Variants in DNAH8 observed in about 807,000 individuals in gnomAD.
DNAH8 encodes the protein axonemal beta dynein heavy chain 8.
A neutral mutation model predicts 562.1 loss-of-function variants in DNAH8; 382 were observed. The observed-to-expected ratio is 0.68, with a 90% confidence interval of 0.63 to 0.74. The LOEUF (loss-of-function observed/expected upper bound fraction) is 0.74, where lower values mean the gene tolerates loss of function less well. Ranked by LOEUF, DNAH8 falls within the 30% of genes least tolerant of loss-of-function variation. The probability of loss-of-function intolerance (pLI) is 0.00; values close to 1 mark genes in which losing one functional copy is unlikely to be tolerated. For missense variants in DNAH8, 5,203 were observed against 5,620.4 expected, an observed-to-expected ratio of 0.93 and a Z score of 2.37; for synonymous variants, 1,881 against 1,919.4, an observed-to-expected ratio of 0.98 and a Z score of 0.52.
intron 39 of DNAH8, 137 bp downstream of exon 39, chr6:38,851,811 T>C: frequency 3.0e-6 from 2 of 672,506 alleles, no homozygotes; most frequent in Non-Finnish European, 5.2e-6. Flanking sequence ...AAATTTCATA[T>C]TTTCTGTGTA....
At chr6:38,810,362 C>T (rs1244492542) in intron 24 of DNAH8, among the ~76,000 whole-genome samples, 1 of 152,140 alleles carries the variant, frequency 6.6e-6, no homozygotes, top group Non-Finnish European at 1.5e-5. Flanking sequence ...GAGGCCGAGG[C>T]AGGCGAATCA....
chr6:38,936,196 T>G (rs1782952607), intron 77 of DNAH8: 1 of 152,138 alleles, frequency 6.6e-6, no homozygotes, highest in African/African-American at 2.4e-5. Context: ...TTTTTCAAAT[T>G]GACTCTTTCA....
intron 40 of DNAH8, 60 bp downstream of exon 40, chr6:38,852,858 G>T (rs1775870399): frequency 1.5e-6 from 2 of 1,311,206 alleles, no homozygotes; most frequent in African/African-American, 3.0e-5. Context: ...AGGTTGAGGA[G>T]AATACAGTTC....
At position 38,917,415 on chromosome 6, in the gene DNAH8, A is replaced by T. The variant is rs771220914; in HGVS notation, c.10308+9A>T. 4.3e-6 allele frequency: 7 copies of T among 1,611,040 alleles called. No homozygotes were observed. The highest frequency in any genetic ancestry group is 5.1e-6 in the Non-Finnish European group (6 of 1,178,178). ...GGGGAGAGTCATTAAAGGTAAGTAA[A>T]ATCTATCATTGTCAATCCTATGAGC... On this transcript the variant is annotated intron_variant, in intron 69 of 92. Coordinates refer to ENST00000327475, the MANE Select transcript of DNAH8 (RefSeq NM_001206927.2).
At chr6:38,816,867 T>G (rs1772330064) in intron 26 of DNAH8, among the ~76,000 whole-genome samples, 1 of 152,208 alleles carries the variant, frequency 6.6e-6, no homozygotes. Context: ...TATATGTTTT[T>G]TGGCCACATG....
At chr6:38,813,975 G>T in intron 24 of DNAH8, 79 bp from the exon 25 acceptor site, 3 of 1,013,966 alleles carry the variant, frequency 3.0e-6, no homozygotes, top group South Asian at 1.4e-5. Context: ...TTATTGTTCG[G>T]ACTGAATTTT....
At chr6:38,729,525 C>G (rs993290253) in intron 3 of DNAH8, among the ~76,000 whole-genome samples, 1 of 152,124 alleles carries the variant, frequency 6.6e-6, no homozygotes, top group Non-Finnish European at 1.5e-5. Context: ...AATAATTGGT[C>G]AACAACACAG....
intron 12 of DNAH8, among the ~76,000 whole-genome samples, chr6:38,771,638 C>T (rs1162700225): frequency 2.0e-5 from 3 of 152,264 alleles, no homozygotes; most frequent in South Asian, 4.1e-4. Flanking sequence ...TAAATGAAAT[C>T]ATACAATATG....
At chr6:38,817,433 C>T (rs1772387135) in intron 26 of DNAH8, among the ~76,000 whole-genome samples, 1 of 152,204 alleles carries the variant, frequency 6.6e-6, no homozygotes, top group Admixed American at 6.5e-5. Flanking sequence ...CTATGTTGCA[C>T]TAACATTGCT....
rs1767768457 is a variant in DNAH8 at position 38,773,470 on chromosome 6, C to G, written c.1765-2284C>G. ...TAATGACCAGCTGCATCAGCTGCACCCACTCTGGTCTCTGGAGAAGCCCTG... is the reference window on the plus strand; with the variant it reads ...TAATGACCAGCTGCATCAGCTGCACGCACTCTGGTCTCTGGAGAAGCCCTG... On this transcript the variant is annotated intron_variant, in intron 12 of 92. Coordinates refer to ENST00000327475, the MANE Select transcript of DNAH8 (RefSeq NM_001206927.2). Among the ~76,000 whole-genome samples the G allele has an allele frequency of 3.9e-5, 6 of 152,088 alleles. No individual in the cohort carries two copies. The South Asian group carries it at 1.2e-3, about 32-fold the overall frequency.
intron 79 of DNAH8, among the ~76,000 whole-genome samples, chr6:38,939,814 G>A (rs1336501721): frequency 2.0e-5 from 3 of 152,072 alleles, no homozygotes; most frequent in Non-Finnish European, 4.4e-5. Context: ...TTATTTTCTG[G>A]CTCCCCACAC....
At chr6:39,010,037 A>G (rs1037928804) in intron 89 of DNAH8, among the ~76,000 whole-genome samples, 3 of 152,182 alleles carry the variant, frequency 2.0e-5, no homozygotes, top group Non-Finnish European at 4.4e-5. Context: ...ACACCACAGG[A>G]CTGCTATTGC....
rs377254876 is a variant in DNAH8 at position 38,874,068 on chromosome 6, T to TTCTTTCTTTCTTTCTTTCTTTTTC, written c.7620+693_7620+694insCTTTCTTTCTTTCTTTCTTTTTCT. 3.1e-3 allele frequency among the ~76,000 whole-genome samples: 179 copies of TTCTTTCTTTCTTTCTTTCTTTTTC among 57,076 alleles called. 46 individuals are homozygous for TTCTTTCTTTCTTTCTTTCTTTTTC. Among genetic ancestry groups the TTCTTTCTTTCTTTCTTTCTTTTTC allele is most frequent in the African/African-American group, 0.011 (168 of 15,638 alleles). 37.4% of individuals were successfully genotyped at this position (57,076 alleles called of 152,430 possible). On this transcript the variant is annotated intron_variant, in intron 52 of 92. Transcript: ENST00000327475. ...TTTCTTTCTTTCTTTCTTTCTTTCTTTTTCTTTCTTTCTTTCTTTCTTTCT... is the reference window on the plus strand; with the variant it reads ...TTTCTTTCTTTCTTTCTTTCTTTCTTTCTTTCTTTCTTTCTTTCTTTTTCTTTCTTTCTTTCTTTCTTTCTTTCT...
rs758528601 is a variant in DNAH8 at position 38,860,469 on chromosome 6, A to G, written c.5971A>G (p.Ile1991Val). The change falls in exon 43 of 93, where the codon ATC (isoleucine) becomes GTC (valine). Residue 1991 changes from isoleucine to valine, a missense_variant. Around this residue, in one of 6 missense-constraint regions of DNAH8, gnomAD observed 2,176 missense variants for 2,365.1 expected, o/e 0.92. Transcript: ENST00000327475. ...TTATGTTTTTAAGGTAAAAATGCAT[A>G]TCAAATCACCTACTGACTTTGAATG... ...DIFDDLVKMH[I>V]KSPTDFEWLK... 2 of 1,415,450 alleles carry G rather than the reference A, an allele frequency of 1.4e-6. No individual in the cohort carries two copies. Among genetic ancestry groups the G allele is most frequent in the South Asian group, 1.8e-5 (1 of 55,966 alleles). 87.7% of individuals were successfully genotyped at this position (1,415,450 alleles called of 1,614,324 possible).
Position 38,737,047 on chromosome 6 carries a change from T to G in DNAH8, c.763-20T>G, listed in dbSNP as rs773674197. On this transcript the variant is annotated intron_variant, in intron 5 of 92. Coordinates refer to ENST00000327475, the MANE Select transcript of DNAH8 (RefSeq NM_001206927.2). The stretch of plus-strand genomic sequence containing the variant: ...AGTGGGATTAGCATGTAAAATAACA[T>G]TTAAACTCCACCCTTTCAGGAAGCG... 2.0e-6 allele frequency: 3 copies of G among 1,499,000 alleles called. No individual in the cohort carries two copies. The highest frequency in any genetic ancestry group is 2.7e-6 in the Non-Finnish European group (3 of 1,129,926). The allele number at this position is 1,499,000 out of a possible 1,614,324, so 92.9% of individuals were successfully genotyped here.
Position 38,848,703 on chromosome 6 carries a change from T to C in DNAH8, c.5101T>C (p.Ser1701Pro). 6.2e-7 allele frequency: 1 copy of C among 1,612,180 alleles called. No individual in the cohort carries two copies. Among genetic ancestry groups the C allele is most frequent in the Non-Finnish European group, 8.5e-7 (1 of 1,178,310 alleles). ...IQNWVYKLST[S>P]SDIIEEWLVV... ...GAATTGGGTGTATAAATTGTCCACT[T>C]CCTCAGATATAATTGAAGAGTGGCT... The change falls in exon 37 of 93, where the codon TCC becomes CCC. Residue 1701 changes from serine to proline, a missense_variant. Physicochemically the swap from Ser to Pro is moderately conservative, Grantham distance 74. Around this residue, in one of 6 missense-constraint regions of DNAH8, gnomAD observed 2,176 missense variants for 2,365.1 expected, o/e 0.92. Coordinates refer to ENST00000327475, the MANE Select transcript of DNAH8 (RefSeq NM_001206927.2).
chr6:38,917,210 A>G (rs773685269), intron 68 of DNAH8, 29 bp from the exon 69 acceptor site: 14 of 1,535,712 alleles, frequency 9.1e-6, no homozygotes, highest in Non-Finnish European at 1.2e-5. Flanking sequence ...CTCAACAAAC[A>G]AAATATTGAT....
intron 66 of DNAH8, among the ~76,000 whole-genome samples, 194 bp from the exon 67 acceptor site, chr6:38,913,655 C>T (rs1160901942): frequency 6.6e-6 from 1 of 152,096 alleles, no homozygotes; most frequent in African/African-American, 2.4e-5. Context: ...ATTTTCTTTG[C>T]CTTCCTGTTG....
chr6:39,027,681 G>A (rs1767386580), intron 92 of DNAH8, among the ~76,000 whole-genome samples: 2 of 151,918 alleles, frequency 1.3e-5, no homozygotes, highest in South Asian at 4.2e-4. Context: ...ACAAAACTTA[G>A]CCTGGGGTGG....
Sources: allele counts gnomAD v4.1 joint callset (sites outside exome capture counted in the v4.1 genomes callset), GRCh38; gene constraint gnomAD v4.1.1; regional missense constraint gnomAD v4.1.1; transcripts MANE v1.5; gene names NCBI Gene and HGNC (gene_info 2026-07-23, HGNC 2026-07-21).